Variants in VIRMA observed in about 807,000 individuals in gnomAD.
VIRMA encodes the protein vir like m6A methyltransferase associated.
Under a neutral mutation model 182.4 loss-of-function variants are expected in VIRMA, and 65 were observed. The ratio of observed to expected loss-of-function variants is 0.36; its 90% CI spans 0.29 to 0.44. VIRMA has a LOEUF of 0.44. VIRMA is among the 20% of genes least tolerant of loss of function. The pLI is 1.00. For synonymous variants in VIRMA, 709 were observed against 743.1 expected, an observed-to-expected ratio of 0.95 and a Z score of 0.75; for missense variants, 1,752 against 2,158.1, an observed-to-expected ratio of 0.81 and a Z score of 3.73.
intron 2 of VIRMA, 54 bp downstream of exon 2, chr8:94,543,773 G>T: frequency 1.0e-6 from 1 of 957,798 alleles, no homozygotes; most frequent in Non-Finnish European, 1.6e-6. Context: ...TTAAGAATAT[G>T]TTTCTAAGAC....
chr8:94,509,319 T>A (rs997783252), intron 15 of VIRMA, among the ~76,000 whole-genome samples: 1 of 151,766 alleles, frequency 6.6e-6, no homozygotes, highest in African/African-American at 2.4e-5. Context: ...GAGAATCACT[T>A]GAACCCAGTG....
intron 15 of VIRMA, among the ~76,000 whole-genome samples, chr8:94,508,875 A>T (rs1243212935): frequency 2.6e-5 from 4 of 152,204 alleles, no homozygotes; most frequent in African/African-American, 9.7e-5. Context: ...GCCATTAGGC[A>T]TAGAAATCTC....
At chr8:94,545,566 C>T (rs1447056604) in intron 1 of VIRMA, among the ~76,000 whole-genome samples, 1 of 152,138 alleles carries the variant, frequency 6.6e-6, no homozygotes, top group Non-Finnish European at 1.5e-5. Context: ...TCTGAGGCTA[C>T]AAAGACAAGA....
chr8:94,488,509 A>T lies in VIRMA; in HGVS notation c.*197T>A. 1 of 460,158 alleles carries T rather than the reference A, an allele frequency of 2.2e-6. No homozygotes were observed. The highest frequency in any genetic ancestry group is 5.5e-5 in the South Asian group (1 of 18,228). The allele number at this position is 460,158 out of a possible 1,614,324, so 28.5% of individuals were successfully genotyped here. Reference sequence around the variant, plus strand: ...AATAGTCATACAAAAAAGGGAAAATATATACAAACGTACATACAAAGTTTG... The same window carrying T: ...AATAGTCATACAAAAAAGGGAAAATTTATACAAACGTACATACAAAGTTTG... On this transcript the variant is annotated 3_prime_UTR_variant, in exon 24 of 24. Transcript: ENST00000297591.
Position 94,494,937 on chromosome 8 carries a change from C to G in VIRMA, c.4564G>C (p.Asp1522His). 1 of 1,609,172 alleles carries G rather than the reference C, an allele frequency of 6.2e-7. No individual in the cohort carries two copies. Among genetic ancestry groups the G allele is most frequent in the Non-Finnish European group, 8.5e-7 (1 of 1,175,874 alleles). ...FNNRTAYVLA[D>H]VMDDQLKSMW... Reference sequence around the variant, plus strand: ...GATTTCAACTGATCATCCATGACATCAGCAAGCACATAGGCAGTCCTGGAA... The same window carrying G: ...GATTTCAACTGATCATCCATGACATGAGCAAGCACATAGGCAGTCCTGGAA... Residue 1522 changes from aspartate (D) to histidine (H), a missense_variant, in exon 20 of 24, where the codon GAT becomes CAT. Around this residue, in one of 11 missense-constraint regions of VIRMA, gnomAD observed 777 missense variants for 920.6 expected, o/e 0.84. Transcript: ENST00000297591.
Position 94,541,072 on chromosome 8 carries a change from A to T in VIRMA, c.180-2726T>A, listed in dbSNP as rs142058410. ...ACAAACACACACACATTAAAAATAT[A>T]TATCAAATGTTAAGATGCTCTTGGA... On this transcript the variant is annotated intron_variant, in intron 2 of 23. Coordinates refer to ENST00000297591, the MANE Select transcript of VIRMA (RefSeq NM_015496.5). Among the ~76,000 whole-genome samples the T allele has an allele frequency of 7.0e-4, 106 of 152,116 alleles. 1 individual carries two copies. The highest frequency in any genetic ancestry group is 1.4e-3 in the Non-Finnish European group (92 of 67,976).
chr8:94,551,894 T>A (rs1192659146), intron 1 of VIRMA, among the ~76,000 whole-genome samples: 2 of 152,124 alleles, frequency 1.3e-5, no homozygotes, highest in Non-Finnish European at 2.9e-5. Context: ...CTAGTTAATT[T>A]TCTTTTGTAG....
rs1007631421 is a variant in VIRMA, at chr8:94,494,881, C to G, written c.4620G>C (p.Glu1540Asp). 9 of 1,595,934 alleles carry G rather than the reference C, an allele frequency of 5.6e-6. No homozygotes were observed. Among genetic ancestry groups the G allele is most frequent in the Admixed American group, 1.7e-5 (1 of 59,426 alleles). The change falls in exon 20 of 24, where the codon GAG becomes GAC. Residue 1540 changes from glutamate to aspartate, a missense_variant. Physicochemically the swap from Glu to Asp is conservative, Grantham distance 45. Around this residue, in one of 11 missense-constraint regions of VIRMA, gnomAD observed 777 missense variants for 920.6 expected, o/e 0.84. Coordinates refer to ENST00000297591, the MANE Select transcript of VIRMA (RefSeq NM_015496.5). Reference sequence around the variant, plus strand: ...ATACCAAATCCAGATCTGTATCTATCTCTTCAGCCTGAAATGGAGTGAACC... The same window carrying G: ...ATACCAAATCCAGATCTGTATCTATGTCTTCAGCCTGAAATGGAGTGAACC... The part of the protein sequence containing the change: ...SMWFTPFQAE[E>D]IDTDLDLVKV...
intron 16 of VIRMA, among the ~76,000 whole-genome samples, chr8:94,503,524 T>G (rs527506821): frequency 4.2e-4 from 64 of 152,064 alleles, no homozygotes; most frequent in Non-Finnish European, 5.7e-4. Context: ...GTCAAGGTCA[T>G]GAAAGATAAG....
At chr8:94,498,337 C>T (rs543255949) in intron 17 of VIRMA, 244 of 152,252 alleles carry the variant, frequency 1.6e-3, no homozygotes, top group African/African-American at 5.4e-3. Flanking sequence ...AATACTAAAG[C>T]ATAATAAACT....
At position 94,527,059 on chromosome 8, in the gene VIRMA, A is replaced by G. The variant is rs774879126; in HGVS notation, c.1185T>C (p.Asp395=). ...LTELLDLYRE[D]RGAKWVTALE... ...AAGCTGTTACCCATTTTGCACCTCT[A>G]TCTTCTCTATACAAATCTAAGAGTT... Residue 395 remains aspartate, a synonymous_variant, in exon 8 of 24, where the codon GAT becomes GAC. Transcript: ENST00000297591. 68 of 1,614,062 alleles carry G rather than the reference A, an allele frequency of 4.2e-5. No individual in the cohort carries two copies. The highest frequency in any genetic ancestry group is 5.4e-5 in the Non-Finnish European group (64 of 1,180,020).
intron 16 of VIRMA, among the ~76,000 whole-genome samples, chr8:94,501,264 A>C (rs1813977062): frequency 6.6e-6 from 1 of 151,186 alleles, no homozygotes; most frequent in Non-Finnish European, 1.5e-5. Context: ...TCAAAAAAAA[A>C]AAAAAAAAAA....
intron 11 of VIRMA, among the ~76,000 whole-genome samples, chr8:94,514,512 T>C (rs1288873326): frequency 6.6e-6 from 1 of 152,214 alleles, no homozygotes; most frequent in Non-Finnish European, 1.5e-5. Flanking sequence ...AAATTCTTTT[T>C]CAGAAATTAA....
At chr8:94,537,935 A>T (rs911637012) in intron 3 of VIRMA, among the ~76,000 whole-genome samples, 1 of 152,218 alleles carries the variant, frequency 6.6e-6, no homozygotes, top group African/African-American at 2.4e-5. Flanking sequence ...ATTAGCTCTC[A>T]ATGTGTCTAT....
chr8:94,509,062 C>T (rs992591560), intron 15 of VIRMA, among the ~76,000 whole-genome samples: 1 of 152,114 alleles, frequency 6.6e-6, no homozygotes, highest in African/African-American at 2.4e-5. Flanking sequence ...AAAGATTGCC[C>T]CAACAAGAGA....
chr8:94,521,922 G>C (rs143829938), intron 8 of VIRMA, among the ~76,000 whole-genome samples: 2 of 152,318 alleles, frequency 1.3e-5, no homozygotes, highest in East Asian at 3.9e-4. Context: ...CACATCCTTA[G>C]AGGTCTGCTT....
At chr8:94,520,586 CA>C (rs1170252982) in intron 8 of VIRMA, among the ~76,000 whole-genome samples, 3 of 151,970 alleles carry the variant, frequency 2.0e-5, no homozygotes, top group African/African-American at 7.3e-5. Flanking sequence ...AATAGTATAA[CA>C]ACTATTTACA....
Position 94,488,738 on chromosome 8 carries a change from T to A in VIRMA, c.5407A>T (p.Arg1803Ter). The A allele has an allele frequency of 6.2e-7, 1 of 1,614,200 alleles. No individual in the cohort carries two copies. The highest frequency in any genetic ancestry group is 8.5e-7 in the Non-Finnish European group (1 of 1,180,036). ...GTAAAGGAGCGTACATGACGACCTC[T>A]ACCACTGCCTCCACTAACAAACTTT... is the stretch of plus-strand genomic sequence containing the variant. ...RGKFVSGGSG[R>*]GRHVRSFTR Residue 1803 changes from arginine to a stop codon, truncating the protein, a stop_gained, in exon 24 of 24, where the codon AGA becomes TGA. Transcript: ENST00000297591. LOFTEE classifies it high-confidence loss of function.
intron 15 of VIRMA, among the ~76,000 whole-genome samples, chr8:94,509,477 C>G (rs1405548699): frequency 6.6e-6 from 1 of 150,918 alleles, no homozygotes; most frequent in Non-Finnish European, 1.5e-5. Context: ...AATACGGAAA[C>G]ACTGGCACAT....
Sources: gnomAD v4.1 joint callset for allele counts (sites outside exome capture counted in the v4.1 genomes callset) on GRCh38, gnomAD v4.1.1 for gene constraint, gnomAD v4.1.1 regional missense constraint, MANE v1.5 for transcripts, NCBI Gene and HGNC (gene_info 2026-07-23, HGNC 2026-07-21) for gene names.